HS6ST3: variants seen among roughly 807,000 people sequenced by gnomAD.
HS6ST3 encodes heparan sulfate 6-O-sulfotransferase 3.
In HS6ST3, 12 loss-of-function variants were observed where a neutral mutation model predicts 36.7. The observed-to-expected ratio is 0.33, with a 90% CI of 0.21 to 0.53. HS6ST3 has a LOEUF of 0.53. Ranked by LOEUF, HS6ST3 falls within the 20% of genes least tolerant of loss-of-function variation. HS6ST3 has a pLI of 0.95. For missense variants in HS6ST3, 584 were observed against 640.9 expected (o/e 0.91, Z 0.96); for synonymous variants, 240 against 257.5 (o/e 0.93, Z 0.65).
intron 1 of HS6ST3, among the ~76,000 whole-genome samples, chr13:96,559,226 C>T (rs2056252812): frequency 2.0e-5 from 3 of 152,232 alleles, no homozygotes; most frequent in South Asian, 4.2e-4. Context: ...AGGTGATTCT[C>T]GTGCATCAGC....
chr13:96,456,770 C>T (rs2055756342), intron 1 of HS6ST3, among the ~76,000 whole-genome samples: 1 of 152,040 alleles, frequency 6.6e-6, no homozygotes, highest in African/African-American at 2.4e-5. Context: ...ATTTATAAAA[C>T]TTTACTTATA....
At chr13:96,475,985 A>T (rs1352456921) in intron 1 of HS6ST3, among the ~76,000 whole-genome samples, 2 of 152,184 alleles carry the variant, frequency 1.3e-5, no homozygotes, top group African/African-American at 4.8e-5. Flanking sequence ...TCATATTCAG[A>T]CTGCTTTAGA....
At chr13:96,403,780 T>C (rs1448779951) in intron 1 of HS6ST3, among the ~76,000 whole-genome samples, 1 of 152,224 alleles carries the variant, frequency 6.6e-6, no homozygotes, top group African/African-American at 2.4e-5. Flanking sequence ...ATCAGGGTCA[T>C]TACAGTAGTG....
At chr13:96,466,260 G>T (rs1418143584) in intron 1 of HS6ST3, among the ~76,000 whole-genome samples, 5 of 147,448 alleles carry the variant, frequency 3.4e-5, no homozygotes, top group Non-Finnish European at 6.0e-5. Context: ...CAGCCTGGGC[G>T]ACAGAGTGAG....
At chr13:96,203,082 A>G (rs2139352531) in intron 1 of HS6ST3, among the ~76,000 whole-genome samples, 1 of 152,286 alleles carries the variant, frequency 6.6e-6, no homozygotes, top group South Asian at 2.1e-4. Context: ...GGCACCAGCG[A>G]TATTTCTCCA....
intron 1 of HS6ST3, among the ~76,000 whole-genome samples, chr13:96,705,040 C>T (rs1875383492): frequency 6.6e-6 from 1 of 152,182 alleles, no homozygotes; most frequent in Non-Finnish European, 1.5e-5. Flanking sequence ...CTCCTGCCCT[C>T]CTGTGTATGT....
chr13:96,449,540 A>C (rs994277494), intron 1 of HS6ST3, among the ~76,000 whole-genome samples: 6 of 152,342 alleles, frequency 3.9e-5, no homozygotes, highest in Non-Finnish European at 5.9e-5. Context: ...GCTACCAAGC[A>C]GATCTCTTTA....
intron 1 of HS6ST3, among the ~76,000 whole-genome samples, chr13:96,717,804 G>C (rs1235388130): frequency 6.6e-6 from 1 of 152,130 alleles, no homozygotes; most frequent in East Asian, 1.9e-4. Context: ...TCATGGAAGG[G>C]AATTCCGCAC....
chr13:96,322,400 A>AT lies in HS6ST3; in HGVS notation c.707+230831_707+230832insT, dbSNP rs1555297989. On this transcript the variant is annotated intron_variant, in intron 1 of 1. Coordinates refer to ENST00000376705, the MANE Select transcript of HS6ST3 (RefSeq NM_153456.4). ...TCTCTCCAGAAAAAAAAAAAAAAAA[A>AT]ACAAGCATTATCCAGGTGTGGTGGT... 1.1e-3 allele frequency among the ~76,000 whole-genome samples: 151 copies of AT among 140,588 alleles called. 2 individuals are homozygous for AT. The highest frequency in any genetic ancestry group is 6.5e-3 in the East Asian group (31 of 4,798). The allele number at this position is 140,588 out of a possible 152,430, so 92.2% of individuals were successfully genotyped here.
At chr13:96,147,310 C>G (rs190404409) in intron 1 of HS6ST3, among the ~76,000 whole-genome samples, 3 of 152,148 alleles carry the variant, frequency 2.0e-5, no homozygotes, top group African/African-American at 7.2e-5. Flanking sequence ...CAAATCACAG[C>G]TAACTTGCCC....
intron 1 of HS6ST3, among the ~76,000 whole-genome samples, chr13:96,734,009 T>G (rs1415346422): frequency 1.3e-5 from 2 of 152,196 alleles, no homozygotes; most frequent in Admixed American, 1.3e-4. Context: ...GCAGCCAGAT[T>G]TAGCTTTTTA....
chr13:96,110,685 A>G (rs1352256998), intron 1 of HS6ST3, among the ~76,000 whole-genome samples: 1 of 151,916 alleles, frequency 6.6e-6, no homozygotes, highest in Non-Finnish European at 1.5e-5. Flanking sequence ...CGGCCTCCCA[A>G]AGTGTTGGGA....
At chr13:96,330,199 T>C (rs2055057858) in intron 1 of HS6ST3, among the ~76,000 whole-genome samples, 3 of 148,272 alleles carry the variant, frequency 2.0e-5, no homozygotes, top group Admixed American at 1.3e-4. Context: ...GTTAATATTG[T>C]TATGTGTGAA....
intron 1 of HS6ST3, among the ~76,000 whole-genome samples, chr13:96,286,445 GTTCATAA>G: frequency 6.6e-6 from 1 of 152,076 alleles, no homozygotes. Context: ...CTGTAAAAAT[GTTCATAA>G]TACATTAATA....
chr13:96,181,915 G>C (rs530388634), intron 1 of HS6ST3, among the ~76,000 whole-genome samples: 125 of 152,236 alleles, frequency 8.2e-4, no homozygotes, highest in African/African-American at 3.0e-3. Flanking sequence ...TTTTTACGCA[G>C]TAGTTAGCTT....
intron 1 of HS6ST3, among the ~76,000 whole-genome samples, chr13:96,281,514 C>G (rs2054776036): frequency 6.6e-6 from 1 of 152,136 alleles, no homozygotes; most frequent in Admixed American, 6.6e-5. Context: ...GCCTCTCTAG[C>G]ACTACAATAG....
Position 96,837,410 on chromosome 13 carries a change from T to C in HS6ST3, c.*4212T>C, listed in dbSNP as rs1041197684. 1 of 152,214 alleles carries C rather than the reference T, an allele frequency of 6.6e-6. No homozygotes were observed. Among genetic ancestry groups the C allele is most frequent in the Non-Finnish European group, 1.5e-5 (1 of 68,036 alleles). The allele number at this position is 152,214 out of a possible 1,614,324, so 9.4% of individuals were successfully genotyped here. ...AGTTTGGGATGGAGAGTCAGATATG[T>C]TGAAAGATTTCCCAACGACTCTAAT... On this transcript the variant is annotated 3_prime_UTR_variant, in exon 2 of 2. Transcript: ENST00000376705.
chr13:96,544,648 C>A (rs766944882), intron 1 of HS6ST3, among the ~76,000 whole-genome samples: 11 of 152,040 alleles, frequency 7.2e-5, no homozygotes, highest in Non-Finnish European at 1.3e-4. Flanking sequence ...TCTTTTTTGA[C>A]CCACAGTATG....
intron 1 of HS6ST3, among the ~76,000 whole-genome samples, chr13:96,555,869 A>C (rs1036853694): frequency 7.9e-5 from 12 of 152,228 alleles, no homozygotes; most frequent in African/African-American, 2.9e-4. Flanking sequence ...TGTGGAAGTC[A>C]ATACATTATT....
Sources: gnomAD v4.1 joint callset for allele counts (sites outside exome capture counted in the v4.1 genomes callset) on GRCh38, gnomAD v4.1.1 for gene constraint, MANE v1.5 for transcripts, NCBI Gene and HGNC (gene_info 2026-07-23, HGNC 2026-07-21) for gene names.